NTRK2: variants seen among roughly 807,000 people sequenced by gnomAD.
The protein encoded by NTRK2 is neurotrophic receptor tyrosine kinase 2.
In NTRK2, 13 loss-of-function variants were observed where a neutral mutation model predicts 94.5. The ratio of observed to expected loss-of-function variants is 0.14; its 90% CI spans 0.09 to 0.22. NTRK2 has a LOEUF of 0.22. Ranked by LOEUF, NTRK2 falls within the 10% of genes least tolerant of loss-of-function variation. The probability of loss-of-function intolerance (pLI) is 1.00; values close to 1 mark genes in which losing one functional copy is unlikely to be tolerated. For synonymous variants in NTRK2, 372 were observed against 407.4 expected, an observed-to-expected ratio of 0.91 and a Z score of 1.05; for missense variants, 639 against 1,071.2, an observed-to-expected ratio of 0.60 and a Z score of 5.63.
intron 14 of NTRK2, among the ~76,000 whole-genome samples, chr9:84,918,231 G>A (rs374816250): frequency 7.2e-5 from 11 of 152,290 alleles, no homozygotes; most frequent in East Asian, 1.9e-4. Flanking sequence ...CTCCAACAGC[G>A]CCAAGCAATC....
intron 17 of NTRK2, among the ~76,000 whole-genome samples, chr9:84,992,826 G>A (rs1451008872): frequency 6.6e-6 from 1 of 152,018 alleles, no homozygotes; most frequent in East Asian, 1.9e-4. Flanking sequence ...GGGAAGCTGG[G>A]TGATGAGAAC....
chr9:84,696,886 C>G (rs1277287539), intron 2 of NTRK2, among the ~76,000 whole-genome samples: 1 of 152,036 alleles, frequency 6.6e-6, no homozygotes, highest in African/African-American at 2.4e-5. Flanking sequence ...AGTTAATGAC[C>G]TTGGGATGTA....
At position 85,024,994 on chromosome 9, in the gene NTRK2, A is replaced by G. The variant is rs1334648045; in HGVS notation, c.*3557A>G. 2 of 233,172 alleles carry G rather than the reference A, an allele frequency of 8.6e-6. No individual in the cohort carries two copies. Among genetic ancestry groups the G allele is most frequent in the Non-Finnish European group, 1.7e-5 (2 of 117,994 alleles). The allele number at this position is 233,172 out of a possible 1,614,324, so 14.4% of individuals were successfully genotyped here. On this transcript the variant is annotated 3_prime_UTR_variant, in exon 19 of 19. Coordinates refer to ENST00000277120, the MANE Select transcript of NTRK2 (RefSeq NM_006180.6). Reference sequence around the variant, plus strand: ...TGTTTATGTATAAATTTATAGGCACACAATAATAGAGGTAATTATAAGTAG... The same window carrying G: ...TGTTTATGTATAAATTTATAGGCACGCAATAATAGAGGTAATTATAAGTAG...
chr9:84,904,296 A>G (rs1035221956), intron 14 of NTRK2, among the ~76,000 whole-genome samples: 4 of 152,168 alleles, frequency 2.6e-5, no homozygotes, highest in Non-Finnish European at 5.9e-5. Flanking sequence ...TTAATTTTTA[A>G]TCTTTATAAA....
At chr9:84,699,764 T>G (rs896875107) in intron 2 of NTRK2, among the ~76,000 whole-genome samples, 1 of 152,118 alleles carries the variant, frequency 6.6e-6, no homozygotes, top group Non-Finnish European at 1.5e-5. Flanking sequence ...AAATTGTTTT[T>G]TTTCTTTTTT....
intron 14 of NTRK2, chr9:84,874,660 T>A: frequency 9.4e-7 from 1 of 1,061,742 alleles, no homozygotes; most frequent in Non-Finnish European, 1.1e-6. Context: ...TTCAACCTGG[T>A]TGCCACATAA....
chr9:84,852,326 A>G (rs2074816724), intron 12 of NTRK2, among the ~76,000 whole-genome samples: 1 of 152,180 alleles, frequency 6.6e-6, no homozygotes, highest in Non-Finnish European at 1.5e-5. Flanking sequence ...TTCATCCAAC[A>G]TTAAGACAGT....
chr9:84,948,691 G>A, intron 16 of NTRK2, 57 bp downstream of exon 16: 7 of 1,554,250 alleles, frequency 4.5e-6, no homozygotes, highest in Non-Finnish European at 5.3e-6. Flanking sequence ...GGGTTCAGGA[G>A]TGGAGGGTTC....
rs896961724 is a variant in NTRK2, at chr9:85,022,486, G to A, written c.*1049G>A. On this transcript the variant is annotated 3_prime_UTR_variant, in exon 19 of 19. Transcript: ENST00000277120. ...TCCAGAGCTCATTTCGGGGTCAGGT[G>A]GGAAAGCCAAGAACTTGGAAAAGAT... is the stretch of plus-strand genomic sequence containing the variant. 1 of 233,088 alleles carries A rather than the reference G, an allele frequency of 4.3e-6. No homozygotes were observed. Among genetic ancestry groups the A allele is most frequent in the Admixed American group, 5.6e-5 (1 of 17,768 alleles). The allele number at this position is 233,088 out of a possible 1,614,324, so 14.4% of individuals were successfully genotyped here.
intron 17 of NTRK2, among the ~76,000 whole-genome samples, chr9:84,960,593 T>C (rs1824797390): frequency 1.3e-5 from 2 of 152,196 alleles, no homozygotes; most frequent in Non-Finnish European, 2.9e-5. Flanking sequence ...ATCCCACAGA[T>C]GTTTTTACCA....
At chr9:84,906,018 T>C (rs1220805317) in intron 14 of NTRK2, among the ~76,000 whole-genome samples, 1 of 152,164 alleles carries the variant, frequency 6.6e-6, no homozygotes, top group African/African-American at 2.4e-5. Flanking sequence ...CGATTTCCAA[T>C]ACTTTGCATG....
At chr9:84,922,418 T>C (rs1236477197) in intron 14 of NTRK2, among the ~76,000 whole-genome samples, 1 of 152,262 alleles carries the variant, frequency 6.6e-6, no homozygotes, top group African/African-American at 2.4e-5. Context: ...ACGTGTGTTA[T>C]GGCAGTTTTT....
chr9:84,842,104 A>G (rs1176945467), intron 12 of NTRK2, among the ~76,000 whole-genome samples: 1 of 152,158 alleles, frequency 6.6e-6, no homozygotes, highest in Non-Finnish European at 1.5e-5. Flanking sequence ...AATCCCTGCT[A>G]ATCCCCTGTT....
At chr9:84,711,519 A>G (rs539050256) in intron 6 of NTRK2, among the ~76,000 whole-genome samples, 9 of 152,198 alleles carry the variant, frequency 5.9e-5, no homozygotes, top group Admixed American at 2.6e-4. Context: ...CCACACATGC[A>G]TGTTACTACC....
At chr9:84,944,710 G>A (rs2078534932) in intron 15 of NTRK2, among the ~76,000 whole-genome samples, 2 of 152,246 alleles carry the variant, frequency 1.3e-5, no homozygotes, top group East Asian at 1.9e-4. Context: ...AGAAGTGGTA[G>A]CTCCAGCAGC....
chr9:85,001,070 T>C (rs566558968), intron 17 of NTRK2, among the ~76,000 whole-genome samples: 33 of 152,364 alleles, frequency 2.2e-4, no homozygotes, highest in African/African-American at 7.5e-4. Context: ...CTTTTAGTTA[T>C]GAAACAATTG....
intron 14 of NTRK2, among the ~76,000 whole-genome samples, chr9:84,923,146 G>C (rs1228799426): frequency 6.6e-6 from 1 of 152,178 alleles, no homozygotes; most frequent in Non-Finnish European, 1.5e-5. Flanking sequence ...GAGGAGAGCA[G>C]CCTGGGAAGC....
At chr9:84,692,249 C>G (rs1372934165) in intron 2 of NTRK2, among the ~76,000 whole-genome samples, 1 of 151,946 alleles carries the variant, frequency 6.6e-6, no homozygotes, top group Non-Finnish European at 1.5e-5. Flanking sequence ...AGAAAAAAAC[C>G]CATCCCTTGC....
chr9:84,890,753 C>T (rs553929111), intron 14 of NTRK2, among the ~76,000 whole-genome samples: 4 of 152,216 alleles, frequency 2.6e-5, no homozygotes, highest in South Asian at 2.1e-4. Context: ...GGAACAAAGA[C>T]GTAGGACACA....
Sources: gnomAD v4.1 joint callset for allele counts (sites outside exome capture counted in the v4.1 genomes callset) on GRCh38, gnomAD v4.1.1 for gene constraint, MANE v1.5 for transcripts, NCBI Gene and HGNC (gene_info 2026-07-23, HGNC 2026-07-21) for gene names.